Variants in STAM observed in about 807,000 individuals in gnomAD.
STAM encodes the protein signal transducing adapter molecule 1.
A neutral mutation model predicts 63.4 loss-of-function variants in STAM; 16 were observed. That is an observed-to-expected ratio of 0.25 (90% CI 0.17 to 0.38). The LOEUF (loss-of-function observed/expected upper bound fraction) is 0.38. STAM is among the 10% of genes least tolerant of loss of function. The pLI is 1.00. For synonymous variants in STAM, 238 were observed against 223.9 expected (o/e 1.06, Z -0.56); for missense variants, 636 against 657.1 (o/e 0.97, Z 0.35).
intron 1 of STAM, among the ~76,000 whole-genome samples, chr10:17,645,852 AC>A (rs1833500380): frequency 6.6e-6 from 1 of 152,012 alleles, no homozygotes; most frequent in Non-Finnish European, 1.5e-5. Flanking sequence ...TAGGGGAAAT[AC>A]TTAAAACAGC....
intron 1 of STAM, among the ~76,000 whole-genome samples, chr10:17,653,707 G>T (rs1257386523): frequency 6.6e-6 from 1 of 152,168 alleles, no homozygotes; most frequent in Non-Finnish European, 1.5e-5. Context: ...ATTGAATTAG[G>T]CATGATAAGT....
rs73603860 is a variant in STAM at position 17,659,948 on chromosome 10, C to T, written c.41-516C>T. 9.2e-3 allele frequency among the ~76,000 whole-genome samples: 1,393 copies of T among 152,074 alleles called. 21 individuals are homozygous for T. The highest frequency in any genetic ancestry group is 0.032 in the African/African-American group (1,319 of 41,482). Reference sequence around the variant, plus strand: ...AAGAATAATTTCTTAGGATAAACAACAGGCAGTTATTTTCTCTGAACACTT... The same window carrying T: ...AAGAATAATTTCTTAGGATAAACAATAGGCAGTTATTTTCTCTGAACACTT... On this transcript the variant is annotated intron_variant, in intron 1 of 13. Transcript: ENST00000377524.
chr10:17,708,851 A>G lies in STAM; in HGVS notation c.1285A>G (p.Ser429Gly), dbSNP rs1027378859. The G allele has an allele frequency of 2.5e-6, 4 of 1,614,046 alleles. No homozygotes were observed. The African/African-American group carries it at 4.0e-5, about 16-fold the overall frequency. ...GCAGATGAGCCACCTCCAGAGCTAC[A>G]GTCTTCCCCCGGAGCAGCTGTCTTC... The part of the protein sequence containing the change: ...NAQMSHLQSY[S>G]LPPEQLSSLS... Residue 429 changes from serine to glycine, a missense_variant, in exon 13 of 14, where the codon AGT becomes GGT. Transcript: ENST00000377524.
chr10:17,673,446 C>T (rs1276998559), intron 2 of STAM, among the ~76,000 whole-genome samples: 2 of 152,192 alleles, frequency 1.3e-5, no homozygotes, highest in African/African-American at 4.8e-5. Flanking sequence ...GTTGAAGGCA[C>T]AATTCTAGGC....
At chr10:17,708,593 C>A (rs1554829630) in intron 12 of STAM, among the ~76,000 whole-genome samples, 183 bp from the exon 13 acceptor site, 1 of 151,760 alleles carries the variant, frequency 6.6e-6, no homozygotes, top group African/African-American at 2.4e-5. Context: ...AAAATGAAAA[C>A]CATCAACAGC....
At chr10:17,646,841 A>G (rs1833539398) in intron 1 of STAM, among the ~76,000 whole-genome samples, 1 of 152,182 alleles carries the variant, frequency 6.6e-6, no homozygotes, top group Admixed American at 6.5e-5. Flanking sequence ...CTTTCACCAT[A>G]TCTACCAATG....
At chr10:17,666,363 A>G (rs1834375064) in intron 2 of STAM, among the ~76,000 whole-genome samples, 2 of 150,348 alleles carry the variant, frequency 1.3e-5, no homozygotes, top group South Asian at 2.1e-4. Flanking sequence ...GGAGTTTGTT[A>G]AAAATGTTTT....
In STAM at chr10:17,689,365, G is replaced by T. The variant is rs1835434639; in HGVS notation, c.444+1192G>T. On this transcript the variant is annotated intron_variant, in intron 5 of 13. Transcript: ENST00000377524. ...CATGTAGCTTATCTACATTCATCCAGACCTACATGTGCTTTCTTCCCAAGG... is the reference window on the plus strand; with the variant it reads ...CATGTAGCTTATCTACATTCATCCATACCTACATGTGCTTTCTTCCCAAGG... Among the ~76,000 whole-genome samples the T allele has an allele frequency of 2.0e-5, 3 of 152,302 alleles. No individual in the cohort carries two copies. In the South Asian group the frequency reaches 6.2e-4, roughly 32 times the overall value.
At chr10:17,691,976 C>A (rs571783957) in intron 5 of STAM, among the ~76,000 whole-genome samples, 1 of 152,170 alleles carries the variant, frequency 6.6e-6, no homozygotes, top group African/African-American at 2.4e-5. Context: ...CGTTATAAGC[C>A]CCGGAGGTAA....
chr10:17,696,058 A>G (rs1554827424), intron 7 of STAM: 1 of 152,052 alleles, frequency 6.6e-6, no homozygotes, highest in African/African-American at 2.4e-5. Context: ...CTCATTCATG[A>G]CTTAATCGCT....
intron 2 of STAM, among the ~76,000 whole-genome samples, chr10:17,662,659 A>T (rs1834219178): frequency 6.6e-6 from 1 of 152,222 alleles, no homozygotes; most frequent in East Asian, 1.9e-4. Flanking sequence ...TCTTGGCTCT[A>T]GCCATTTAGC....
At chr10:17,704,329 A>G (rs144625709) in intron 9 of STAM, 102 bp from the exon 10 acceptor site, 14 of 1,005,920 alleles carry the variant, frequency 1.4e-5, no homozygotes, top group African/African-American at 1.3e-4. Flanking sequence ...TGGAGTCTCC[A>G]TAACTATGAA....
chr10:17,707,359 G>A (rs1340898186), intron 12 of STAM, among the ~76,000 whole-genome samples: 1 of 152,048 alleles, frequency 6.6e-6, no homozygotes, highest in African/African-American at 2.4e-5. Flanking sequence ...GCAGTGAGCC[G>A]AGATCGTGCC....
chr10:17,693,333 T>C, intron 6 of STAM, 21 bp downstream of exon 6: 1 of 1,572,388 alleles, frequency 6.4e-7, no homozygotes, highest in Middle Eastern at 1.7e-4. Context: ...AAGTCCCTGA[T>C]GGTGGGAATA....
intron 5 of STAM, among the ~76,000 whole-genome samples, chr10:17,689,801 T>C (rs1554826548): frequency 1.3e-5 from 2 of 152,200 alleles, no homozygotes; most frequent in African/African-American, 2.4e-5. Flanking sequence ...TGGAGGCTTG[T>C]TAGAAATGCA....
At position 17,644,164 on chromosome 10, in the gene STAM, G is replaced by C. The variant is rs1233833551; in HGVS notation, c.-176G>C. 6.0e-6 allele frequency: 4 copies of C among 663,284 alleles called. No homozygotes were observed. The East Asian group carries it at 1.1e-4, about 19-fold the overall frequency. 41.1% of individuals were successfully genotyped at this position (663,284 alleles called of 1,614,324 possible). On this transcript the variant is annotated 5_prime_UTR_variant, in exon 1 of 14. Transcript: ENST00000377524. Reference sequence around the variant, plus strand: ...GCTTCCTCGGCTCCTTGCTGTTGCCGCCGCCGCAGCTGCTGCCGCGGTTGG... The same window carrying C: ...GCTTCCTCGGCTCCTTGCTGTTGCCCCCGCCGCAGCTGCTGCCGCGGTTGG...
chr10:17,670,012 G>A (rs1168044401), intron 2 of STAM, among the ~76,000 whole-genome samples: 1 of 151,442 alleles, frequency 6.6e-6, no homozygotes, highest in East Asian at 1.9e-4. Context: ...TCACAGGCGT[G>A]AGCCACTGCG....
intron 2 of STAM, among the ~76,000 whole-genome samples, chr10:17,668,002 A>T (rs1834466691): frequency 6.6e-6 from 1 of 152,222 alleles, no homozygotes; most frequent in African/African-American, 2.4e-5. Flanking sequence ...AAAACTATAG[A>T]GGGTTTTCAG....
At chr10:17,651,365 A>G (rs558181636) in intron 1 of STAM, among the ~76,000 whole-genome samples, 65 of 152,348 alleles carry the variant, frequency 4.3e-4, no homozygotes, top group Middle Eastern at 3.4e-3. Context: ...GTAGTAACCA[A>G]TGGATACGTT....
Sources: allele counts gnomAD v4.1 joint callset (sites outside exome capture counted in the v4.1 genomes callset), GRCh38; gene constraint gnomAD v4.1.1; transcripts MANE v1.5; gene names NCBI Gene and HGNC (gene_info 2026-07-23, HGNC 2026-07-21).